The following NTM variants were observed in gnomAD, a reference collection of about 807,000 sequenced individuals.
The protein encoded by NTM is neurotrimin.
A neutral mutation model predicts 42.1 loss-of-function variants in NTM; 13 were observed. The observed-to-expected ratio is 0.31, with a 90% CI of 0.20 to 0.49. The LOEUF is 0.49. Ranked by LOEUF, NTM falls within the 20% of genes least tolerant of loss-of-function variation. The pLI is 0.99. For synonymous variants in NTM, 187 were observed against 179.2 expected, an observed-to-expected ratio of 1.04 and a Z score of -0.35; for missense variants, 373 against 452.8, an observed-to-expected ratio of 0.82 and a Z score of 1.60.
At chr11:132,095,418 C>T (rs564082985) in intron 2 of NTM, among the ~76,000 whole-genome samples, 8 of 152,050 alleles carry the variant, frequency 5.3e-5, no homozygotes, top group South Asian at 2.1e-4. Flanking sequence ...CTACCTCTTC[C>T]GCATCATTTG....
intron 2 of NTM, among the ~76,000 whole-genome samples, chr11:132,096,018 C>T (rs970324425): frequency 3.9e-5 from 6 of 152,178 alleles, no homozygotes; most frequent in African/African-American, 1.4e-4. Context: ...TCTATCCCAA[C>T]CCCTCTGCCC....
chr11:131,430,746 C>T (rs553166530), intron 1 of NTM, among the ~76,000 whole-genome samples: 47 of 152,346 alleles, frequency 3.1e-4, no homozygotes, highest in African/African-American at 1.1e-3. Flanking sequence ...TCCTCTGCCC[C>T]CCACCATGGG....
chr11:131,813,731 T>G (rs2092832025), intron 1 of NTM, among the ~76,000 whole-genome samples: 1 of 152,336 alleles, frequency 6.6e-6, no homozygotes, highest in African/African-American at 2.4e-5. Flanking sequence ...TTCTTTCTTC[T>G]AGAAACTTGA....
chr11:131,472,875 C>T (rs186953483), intron 1 of NTM, among the ~76,000 whole-genome samples: 22 of 152,218 alleles, frequency 1.4e-4, no homozygotes, highest in Non-Finnish European at 2.4e-4. Context: ...CCACTACCCC[C>T]CAGAGATTGA....
intron 2 of NTM, among the ~76,000 whole-genome samples, chr11:132,089,438 T>C (rs1260199109): frequency 6.6e-6 from 1 of 152,230 alleles, no homozygotes; most frequent in Non-Finnish European, 1.5e-5. Context: ...TTGGCACCCA[T>C]TGAGGGGAAA....
intron 1 of NTM, among the ~76,000 whole-genome samples, chr11:131,571,879 G>A (rs575969359): frequency 1.3e-5 from 2 of 152,308 alleles, no homozygotes; most frequent in East Asian, 3.9e-4. Context: ...GGCTTTGGGA[G>A]GAAGAGAGCA....
intron 1 of NTM, among the ~76,000 whole-genome samples, chr11:131,372,081 G>A (rs999458453): frequency 2.6e-5 from 4 of 152,166 alleles, no homozygotes; most frequent in Admixed American, 1.3e-4. Context: ...GCTCTTCTCC[G>A]AGGTTAGGAT....
intron 1 of NTM, among the ~76,000 whole-genome samples, chr11:131,825,074 G>C (rs1281951985): frequency 6.6e-6 from 1 of 152,178 alleles, no homozygotes; most frequent in Admixed American, 6.5e-5. Context: ...TTCCTTCTGA[G>C]GGCTATGAGG....
intron 1 of NTM, among the ~76,000 whole-genome samples, chr11:131,550,906 G>A (rs1031959848): frequency 1.3e-5 from 2 of 152,162 alleles, no homozygotes; most frequent in Non-Finnish European, 2.9e-5. Context: ...CGAAGTTACC[G>A]AGACTTCCAA....
At chr11:131,581,826 C>A (rs2058438951) in intron 1 of NTM, among the ~76,000 whole-genome samples, 1 of 152,134 alleles carries the variant, frequency 6.6e-6, no homozygotes, top group Admixed American at 6.5e-5. Flanking sequence ...CACTTGCAGC[C>A]TTTCCCTGAC....
chr11:132,050,995 G>A (rs2078776291), intron 2 of NTM, among the ~76,000 whole-genome samples: 1 of 152,216 alleles, frequency 6.6e-6, no homozygotes, highest in Admixed American at 6.5e-5. Context: ...GGGGGTGGTG[G>A]AAAGGATGTC....
chr11:132,035,265 T>G (rs558227001), intron 2 of NTM, among the ~76,000 whole-genome samples: 9 of 152,356 alleles, frequency 5.9e-5, no homozygotes, highest in African/African-American at 2.2e-4. Flanking sequence ...TACCAGTCAT[T>G]GGCAATTAAT....
intron 7 of NTM, chr11:132,315,114 T>G: frequency 1.0e-6 from 1 of 988,210 alleles, no homozygotes; most frequent in Non-Finnish European, 1.2e-6. Context: ...GCTCCTAAGC[T>G]GACTGTGGGA....
intron 2 of NTM, among the ~76,000 whole-genome samples, chr11:131,945,683 C>T (rs1374724448): frequency 6.6e-6 from 1 of 152,206 alleles, no homozygotes; most frequent in Non-Finnish European, 1.5e-5. Flanking sequence ...GGACAAATTG[C>T]ATACTTGTTA....
chr11:131,401,860 A>ATATATATATT (rs1350900091), intron 1 of NTM, among the ~76,000 whole-genome samples: 1 of 107,704 alleles, frequency 9.3e-6, no homozygotes, highest in African/African-American at 3.3e-5. Flanking sequence ...ATATATATAT[A>ATATATATATT]TTTTAATTTA....
At chr11:131,737,849 C>A (rs1015989542) in intron 1 of NTM, among the ~76,000 whole-genome samples, 1 of 152,130 alleles carries the variant, frequency 6.6e-6, no homozygotes, top group African/African-American at 2.4e-5. Context: ...GTTGACACCG[C>A]GGGCCCCAGG....
At chr11:132,054,519 C>T (rs752870626) in intron 2 of NTM, among the ~76,000 whole-genome samples, 8 of 152,132 alleles carry the variant, frequency 5.3e-5, no homozygotes, top group Non-Finnish European at 1.0e-4. Flanking sequence ...TCTGAAGAGC[C>T]CAGAGCAAAT....
intron 2 of NTM, among the ~76,000 whole-genome samples, chr11:132,037,357 CTTCTTGTGCTGCCTGCAG>C (rs1169608187): frequency 1.3e-5 from 2 of 152,144 alleles, no homozygotes; most frequent in Non-Finnish European, 1.5e-5. Context: ...CACTGCCACG[CTTCTTGTGCTGCCTGCAG>C]TACCATGAGC....
intron 7 of NTM, among the ~76,000 whole-genome samples, chr11:132,319,854 G>A (rs553549021): frequency 2.0e-4 from 31 of 152,244 alleles, no homozygotes; most frequent in South Asian, 4.1e-4. Context: ...GTAGCCTAAC[G>A]GGAGGCACCC....
Sources: gnomAD v4.1 joint callset for allele counts (sites outside exome capture counted in the v4.1 genomes callset) on GRCh38, gnomAD v4.1.1 for gene constraint, MANE v1.5 for transcripts, NCBI Gene and HGNC (gene_info 2026-07-23, HGNC 2026-07-21) for gene names.